Variants in BRDT observed in about 807,000 individuals in gnomAD.
BRDT encodes bromodomain testis associated, also known as bromodomain testis-specific protein.
Under a neutral mutation model 113.9 loss-of-function variants are expected in BRDT, and 77 were observed. The ratio of observed to expected loss-of-function variants is 0.68; its 90% CI spans 0.56 to 0.82. The LOEUF is 0.82. BRDT is among the 40% of genes least tolerant of loss of function. The pLI, the probability that BRDT is intolerant of heterozygous loss-of-function variation, is 0.00. For missense variants in BRDT, 1,027 were observed against 1,105.4 expected, an observed-to-expected ratio of 0.93 and a Z score of 1.01; for synonymous variants, 358 against 366.5, an observed-to-expected ratio of 0.98 and a Z score of 0.26.
At chr1:92,005,088 C>A in intron 17 of BRDT, 31 bp from the exon 18 acceptor site, 1 of 1,408,202 alleles carries the variant, frequency 7.1e-7, no homozygotes, top group Non-Finnish European at 9.3e-7. Flanking sequence ...GAACTTGAAA[C>A]CTACTTTGAG....
Position 91,994,179 on chromosome 1 carries a change from GC to G in BRDT, c.2213del (p.Ala738AspfsTer7), listed in dbSNP as rs2101752674. The G allele has an allele frequency of 6.2e-7, 1 of 1,613,012 alleles. No homozygotes were observed. Among genetic ancestry groups the G allele is most frequent in the Non-Finnish European group, 8.5e-7 (1 of 1,179,260 alleles). ...HVMPPNHHQL[A>X]FNYQELEHLQ... ...AATGCCACCAAATCACCACCAATTA[GC>G]ATTTAATTATCAAGAATTAGAACAT... On this transcript the variant is annotated frameshift_variant, in exon 15 of 19. Transcript: ENST00000399546. LOFTEE classifies it high-confidence loss of function.
intron 7 of BRDT, 46 bp downstream of exon 7, chr1:91,978,342 G>A (rs903276380): frequency 7.5e-6 from 12 of 1,594,286 alleles, no homozygotes; most frequent in Non-Finnish European, 1.0e-5. Context: ...TCTGAACATA[G>A]TTGAAACGTT....
At chr1:91,965,032 C>T (rs991000032) in intron 3 of BRDT, among the ~76,000 whole-genome samples, 2 of 151,720 alleles carry the variant, frequency 1.3e-5, no homozygotes, top group Admixed American at 1.3e-4. Context: ...CCTCAGCCTC[C>T]CGAGTAGCTG....
intron 15 of BRDT, among the ~76,000 whole-genome samples, chr1:91,995,421 G>C (rs1032093682): frequency 1.7e-4 from 2 of 11,508 alleles, no homozygotes; most frequent in Non-Finnish European, 1.8e-3. Context: ...GTGTGTGTGT[G>C]TGTGTGTGTG....
chr1:92,000,918 C>CA (rs1168906307), intron 15 of BRDT, among the ~76,000 whole-genome samples: 6 of 152,148 alleles, frequency 3.9e-5, no homozygotes, highest in African/African-American at 1.4e-4. Flanking sequence ...TTAATCTTCA[C>CA]AATAATAATA....
chr1:91,979,026 C>CAAAA (rs1416677618), intron 7 of BRDT, among the ~76,000 whole-genome samples: 47 of 138,408 alleles, frequency 3.4e-4, no homozygotes, highest in African/African-American at 1.2e-3. Context: ...ACAACAACAA[C>CAAAA]AAAAAAAACC....
chr1:91,957,492 CAAAAA>C (rs34516666), intron 1 of BRDT: 6 of 148,416 alleles, frequency 4.0e-5, no homozygotes, highest in South Asian at 2.2e-4. Flanking sequence ...GACTCCATCT[CAAAAA>C]AAAAAAAATT....
intron 1 of BRDT, among the ~76,000 whole-genome samples, chr1:91,956,090 T>A (rs1176008328): frequency 1.3e-5 from 2 of 152,210 alleles, no homozygotes; most frequent in Admixed American, 1.3e-4. Context: ...CTTCACAAGT[T>A]TTTTTGAGCA....
At chr1:91,954,690 T>C (rs971673712) in intron 1 of BRDT, among the ~76,000 whole-genome samples, 3 of 152,210 alleles carry the variant, frequency 2.0e-5, no homozygotes, top group African/African-American at 7.2e-5. Flanking sequence ...GTGTGATGGC[T>C]CACGCCTGTA....
chr1:91,959,875 G>A (rs957593746), intron 1 of BRDT, among the ~76,000 whole-genome samples: 4 of 152,118 alleles, frequency 2.6e-5, no homozygotes, highest in African/African-American at 7.2e-5. Context: ...TCATTTTAAT[G>A]TAGTAGTACT....
chr1:91,981,219 T>C, intron 10 of BRDT, 41 bp downstream of exon 10: 1 of 1,608,930 alleles, frequency 6.2e-7, no homozygotes, highest in South Asian at 1.1e-5. Flanking sequence ...GTTTGGTATT[T>C]ATGTTGGTTT....
Position 91,978,223 on chromosome 1 carries a change from G to A in BRDT, c.1025G>A (p.Arg342Lys). The change falls in exon 7 of 19, where the codon AGA (arginine) becomes AAA (lysine). Residue 342 changes from arginine to lysine, a missense_variant. Transcript: ENST00000399546. ...GCATACAAATTTGCGGCAGATGTTAGATTAATGTTCATGAATTGCTACAAG... is the reference window on the plus strand; with the variant it reads ...GCATACAAATTTGCGGCAGATGTTAAATTAATGTTCATGAATTGCTACAAG... ...KDAYKFAADV[R>K]LMFMNCYKYN... 6.2e-7 allele frequency: 1 copy of A among 1,614,066 alleles called. No homozygotes were observed.
chr1:91,999,577 A>G (rs1372479700), intron 15 of BRDT, among the ~76,000 whole-genome samples: 1 of 152,114 alleles, frequency 6.6e-6, no homozygotes, highest in Non-Finnish European at 1.5e-5. Context: ...TTCAAAGCAC[A>G]GTCTTACTGA....
intron 3 of BRDT, 113 bp downstream of exon 3, chr1:91,964,877 ACGTG>A: frequency 1.7e-6 from 1 of 600,226 alleles, no homozygotes; most frequent in Non-Finnish European, 2.5e-6. Flanking sequence ...GAGATACTTG[ACGTG>A]TGTGTGTGTG....
chr1:92,004,620 G>A lies in BRDT; in HGVS notation c.2594+1G>A. On this transcript the variant is annotated splice_donor_variant, in intron 17 of 18. Coordinates refer to ENST00000399546, the MANE Select transcript of BRDT (RefSeq NM_207189.4). LOFTEE classifies it high-confidence loss of function. ...TAAAAGCATCTCAAGAAAATCAGAG[G>A]TCTGTAATTTACTGGATTAAAGGAG... The A allele has an allele frequency of 6.3e-7, 1 of 1,596,540 alleles. No individual in the cohort carries two copies. Among genetic ancestry groups the A allele is most frequent in the Non-Finnish European group, 8.5e-7 (1 of 1,174,774 alleles).
Position 91,977,264 on chromosome 1 carries a change from TAAAG to T in BRDT, c.844_847del (p.Glu282CysfsTer61). On this transcript the variant is annotated frameshift_variant, in exon 6 of 19. Coordinates refer to ENST00000399546, the MANE Select transcript of BRDT (RefSeq NM_207189.4). LOFTEE classifies it high-confidence loss of function. The stretch of plus-strand genomic sequence containing the variant: ...AATTAAGGCACTGTAGTGAGATTCT[TAAAG>T]AAATGCTTGCAAAGAAACATTTTTC... 1 of 1,614,102 alleles carries T rather than the reference TAAAG, an allele frequency of 6.2e-7. No homozygotes were observed. Among genetic ancestry groups the T allele is most frequent in the Non-Finnish European group, 8.5e-7 (1 of 1,179,984 alleles).
chr1:91,980,577 A>G (rs1684620798), intron 8 of BRDT, 66 bp from the exon 9 acceptor site: 78 of 1,242,898 alleles, frequency 6.3e-5, no homozygotes, highest in Admixed American at 5.8e-4. Context: ...GAGTGGCTTG[A>G]TTTTTTTCTA....
rs11330809 is a variant in BRDT, at chr1:91,994,867, CAAAAAAA to C, written c.2287+632_2287+638del. Among the ~76,000 whole-genome samples the C allele has an allele frequency of 5.8e-3, 377 of 65,532 alleles. 3 individuals carry two copies. Among genetic ancestry groups the C allele is most frequent in the African/African-American group, 0.024 (360 of 15,032 alleles). 43.0% of individuals were successfully genotyped at this position (65,532 alleles called of 152,430 possible). On this transcript the variant is annotated intron_variant, in intron 15 of 18. Transcript: ENST00000399546. ...TGGGCGACAGAGCAAGACTCCGTCTCAAAAAAAAAAAAAAAAAAAAAAAAAGAATAAG... is the reference window on the plus strand; with the variant it reads ...TGGGCGACAGAGCAAGACTCCGTCTCAAAAAAAAAAAAAAAAAAGAATAAG...
chr1:91,986,464 AT>A (rs1250299923), intron 12 of BRDT, among the ~76,000 whole-genome samples: 1 of 152,176 alleles, frequency 6.6e-6, no homozygotes, highest in Non-Finnish European at 1.5e-5. Context: ...CTTAATTTCA[AT>A]TTTTACAGAG....
Sources: gnomAD v4.1 joint callset for allele counts (sites outside exome capture counted in the v4.1 genomes callset) on GRCh38, gnomAD v4.1.1 for gene constraint, MANE v1.5 for transcripts, NCBI Gene and HGNC (gene_info 2026-07-23, HGNC 2026-07-21) for gene names.